Variants in ADGRG4 observed in about 807,000 individuals in gnomAD.
The protein encoded by ADGRG4 is adhesion G protein-coupled receptor G4.
In ADGRG4, 122 loss-of-function variants were observed where a neutral mutation model predicts 126.2. That is an observed-to-expected ratio of 0.97 (90% CI 0.83 to 1.12). The LOEUF is 1.12. Among genes scored for constraint, ADGRG4 ranks in the 50% most tolerant of loss-of-function variants. The pLI, the probability that ADGRG4 is intolerant of heterozygous loss-of-function variation, is 0.00. For synonymous variants in ADGRG4, 943 were observed against 838.7 expected, an observed-to-expected ratio of 1.12 and a Z score of -2.15; for missense variants, 2,481 against 2,251.8, an observed-to-expected ratio of 1.10 and a Z score of -2.06.
At chrX:136,402,880 G>A (rs1257621994) in intron 21 of ADGRG4, among the ~76,000 whole-genome samples, 1 of 111,885 alleles carries the variant, frequency 8.9e-6, no homozygotes, top group Non-Finnish European at 1.9e-5. Flanking sequence ...ACAAAGGGGC[G>A]ATGTGAAAGG....
Position 136,310,539 on chromosome X carries a change from C to T in ADGRG4, c.70+1692C>T, listed in dbSNP as rs140511165. Among the ~76,000 whole-genome samples, 378 of 111,267 alleles carry T rather than the reference C, an allele frequency of 3.4e-3. 2 individuals are homozygous for T. The highest frequency in any genetic ancestry group is 5.5e-3 in the Non-Finnish European group (290 of 53,121). On this transcript the variant is annotated intron_variant, in intron 4 of 25. Coordinates refer to ENST00000394143, the MANE Select transcript of ADGRG4 (RefSeq NM_153834.4). ...AAAAAGACCCTGTCCTTGGAAACAA[C>T]GGCATAACTCAGGTTCAGTTCCCTT...
chrX:136,410,050 CTGCCATATACTAAT>C (rs918753558), intron 23 of ADGRG4, among the ~76,000 whole-genome samples: 12 of 112,370 alleles, frequency 1.1e-4, no homozygotes, highest in African/African-American at 3.9e-4. Flanking sequence ...AGTACAATGC[CTGCCATATACTAAT>C]TGCTAAATAA....
chrX:136,400,016 T>C lies in ADGRG4; in HGVS notation c.8475T>C (p.Thr2825=), dbSNP rs1408673331. The change falls in exon 21 of 26, where the codon ACT becomes ACC. Residue 2825 remains threonine (T), a synonymous_variant. Coordinates refer to ENST00000394143, the MANE Select transcript of ADGRG4 (RefSeq NM_153834.4). ...ATTACTTCCTGCTTGTTTCTTTTAC[T>C]TGGATGGGCCTGGAGGCAGTCCACA... ...ALHYFLLVSF[T]WMGLEAVHMY... 1 of 1,210,111 alleles carries C rather than the reference T, an allele frequency of 8.3e-7. No individual in the cohort carries two copies. The highest frequency in any genetic ancestry group is 3.0e-5 in the East Asian group (1 of 33,834).
At chrX:136,377,189 TTTG>T (rs1341575276) in intron 15 of ADGRG4, among the ~76,000 whole-genome samples, 8 of 90,923 alleles carry the variant, frequency 8.8e-5, no homozygotes, top group East Asian at 3.2e-4. Flanking sequence ...TTTTTTTTTT[TTTG>T]TTGTTGTTGT....
At chrX:136,404,874 C>T (rs943411688) in intron 22 of ADGRG4, among the ~76,000 whole-genome samples, 10 of 111,867 alleles carry the variant, frequency 8.9e-5, no homozygotes, top group East Asian at 5.6e-4. Context: ...TAAGTATCCA[C>T]GCCAACATAA....
chrX:136,346,734 C>A lies in ADGRG4; in HGVS notation c.3028C>A (p.Pro1010Thr). The change falls in exon 6 of 26, where the codon CCT becomes ACT. Residue 1010 changes from proline (P) to threonine (T), a missense_variant. Pro to Thr is a conservative substitution (Grantham distance 38). Transcript: ENST00000394143. ...TGCTCATTCCTCAGCAACCCCTGTG[C>A]CTGTTACTCATATGTTCTCATTGCC... ...TAAHSSATPVPVTHMFSLPVN... is the reference protein window; with the variant it reads ...TAAHSSATPVTVTHMFSLPVN... 8.3e-7 allele frequency: 1 copy of A among 1,210,253 alleles called. No individual in the cohort carries two copies. Among genetic ancestry groups the A allele is most frequent in the Non-Finnish European group, 1.1e-6 (1 of 894,393 alleles).
chrX:136,395,494 G>T lies in ADGRG4; in HGVS notation c.8184+1G>T, dbSNP rs200569865. 3.0e-4 allele frequency: 325 copies of T among 1,079,878 alleles called. No individual in the cohort carries two copies. The highest frequency in any genetic ancestry group is 3.9e-4 in the Non-Finnish European group (308 of 780,483). The allele number at this position is 1,079,878 out of a possible 1,213,427, so 89.0% of individuals were successfully genotyped here. On this transcript the variant is annotated splice_donor_variant, in intron 19 of 25. Coordinates refer to ENST00000394143, the MANE Select transcript of ADGRG4 (RefSeq NM_153834.4). LOFTEE classifies it high-confidence loss of function. ...CCTCACCCATTTTGGAGTCTTAATG[G>T]TGAGTTGTCTCTTAGTCACTCCTCG...
chrX:136,333,489 T>A (rs1232648231), intron 5 of ADGRG4, among the ~76,000 whole-genome samples: 2 of 111,736 alleles, frequency 1.8e-5, no homozygotes, highest in Non-Finnish European at 3.8e-5. Flanking sequence ...GTAGATTTTT[T>A]AAAATTCTTT....
rs746209797 is a variant in ADGRG4 at position 136,344,702 on chromosome X, C to T, written c.996C>T (p.Ser332=). 17 of 1,205,083 alleles carry T rather than the reference C, an allele frequency of 1.4e-5. No individual in the cohort carries two copies. The South Asian group carries it at 2.8e-4, about 20-fold the overall frequency. ...TCTCTCTGCCTACCCAGAGTATATCCATAGACAATACTACCAATTCCATGA... is the reference window on the plus strand; with the variant it reads ...TCTCTCTGCCTACCCAGAGTATATCTATAGACAATACTACCAATTCCATGA... ...SAISLPTQSI[S]IDNTTNSMKK... Residue 332 remains serine, a synonymous_variant, in exon 6 of 26, where the codon TCC becomes TCT. Transcript: ENST00000394143.
Position 136,403,239 on chromosome X carries a change from T to C in ADGRG4, c.8576-5T>C. The C allele has an allele frequency of 8.3e-7, 1 of 1,208,635 alleles. No homozygotes were observed. The highest frequency in any genetic ancestry group is 1.1e-6 in the Non-Finnish European group (1 of 892,425). On this transcript the variant is annotated splice_region_variant and splice_polypyrimidine_tract_variant and intron_variant, in intron 21 of 25. Coordinates refer to ENST00000394143, the MANE Select transcript of ADGRG4 (RefSeq NM_153834.4). ...AAATGCCTTTGACTTGCTTTCCCAC[T>C]GCAGGAATCCCGGCTATCATGGTGG...
At chrX:136,410,326 C>A (rs142146781) in intron 23 of ADGRG4, among the ~76,000 whole-genome samples, 1 of 111,512 alleles carries the variant, frequency 9.0e-6, no homozygotes, top group Non-Finnish European at 1.9e-5. Flanking sequence ...TTGAATACTT[C>A]TGTTTGTCAT....
rs1228326024 is a variant in ADGRG4 at position 136,357,368 on chromosome X, A to T, written c.6928-336A>T. Among the ~76,000 whole-genome samples, 4 of 111,823 alleles carry T rather than the reference A, an allele frequency of 3.6e-5. No homozygotes were observed. The Admixed American group carries it at 3.8e-4, about 11-fold the overall frequency. ...ATAGTAAATGTTTGATAGTGTTTAC[A>T]ATTGTCAATTGCATGTTAATATCTA... On this transcript the variant is annotated intron_variant, in intron 9 of 25. Coordinates refer to ENST00000394143, the MANE Select transcript of ADGRG4 (RefSeq NM_153834.4).
chrX:136,412,198 G>A, intron 23 of ADGRG4, 67 bp from the exon 24 acceptor site: 2 of 698,070 alleles, frequency 2.9e-6, no homozygotes, highest in Middle Eastern at 2.9e-4. Flanking sequence ...AAGCAGGCCT[G>A]AGTCAGGGCA....
In ADGRG4 at chrX:136,393,616, A is replaced by C. The variant is rs376224268; in HGVS notation, c.8080+36A>C. 9 of 1,103,340 alleles carry C rather than the reference A, an allele frequency of 8.2e-6. No individual in the cohort carries two copies. In the African/African-American group the frequency reaches 1.6e-4, roughly 20 times the overall value. 90.9% of individuals were successfully genotyped at this position (1,103,340 alleles called of 1,213,427 possible). A position where few individuals can be genotyped will look rare whatever the true frequency, so the allele number is the denominator to read the frequency against. ...TTGTTAGCAACTTTGACTTTGCCCCAGACCATTTTCCCACTTGGCAGTTAA... is the reference window on the plus strand; with the variant it reads ...TTGTTAGCAACTTTGACTTTGCCCCCGACCATTTTCCCACTTGGCAGTTAA... On this transcript the variant is annotated intron_variant, in intron 18 of 25. Coordinates refer to ENST00000394143, the MANE Select transcript of ADGRG4 (RefSeq NM_153834.4).
At chrX:136,382,179 A>C (rs752112827) in intron 15 of ADGRG4, among the ~76,000 whole-genome samples, 1 of 111,734 alleles carries the variant, frequency 8.9e-6, no homozygotes, top group African/African-American at 3.3e-5. Flanking sequence ...TAAAGACAAC[A>C]ATAAGGTCAT....
chrX:136,386,094 G>A (rs1255493119), intron 15 of ADGRG4, among the ~76,000 whole-genome samples: 1 of 111,786 alleles, frequency 8.9e-6, no homozygotes, highest in African/African-American at 3.3e-5. Context: ...ATGTAAAAAC[G>A]GGTACCCCAC....
chrX:136,370,224 A>G (rs1328644290), intron 13 of ADGRG4, among the ~76,000 whole-genome samples: 1 of 112,148 alleles, frequency 8.9e-6, no homozygotes, highest in Non-Finnish European at 1.9e-5. Flanking sequence ...TAAGTGTGTT[A>G]TGAGTGTTAG....
chrX:136,370,128 TACAG>T (rs1156646322), intron 13 of ADGRG4, among the ~76,000 whole-genome samples: 2 of 111,074 alleles, frequency 1.8e-5, no homozygotes, highest in Non-Finnish European at 3.8e-5. Flanking sequence ...GTAAGAGAAA[TACAG>T]ACAGAGAGAG....
At chrX:136,303,326 G>A (rs1239315388) in intron 1 of ADGRG4, among the ~76,000 whole-genome samples, 5 of 111,026 alleles carry the variant, frequency 4.5e-5, no homozygotes, top group African/African-American at 1.6e-4. Flanking sequence ...GGTGGTGGAT[G>A]CCTGTGGTCA....
Sources: gnomAD v4.1 joint callset for allele counts (sites outside exome capture counted in the v4.1 genomes callset) on GRCh38, gnomAD v4.1.1 for gene constraint, MANE v1.5 for transcripts, NCBI Gene and HGNC (gene_info 2026-07-23, HGNC 2026-07-21) for gene names.